Variants in SLCO5A1 observed in about 807,000 individuals in gnomAD.
SLCO5A1 encodes the protein solute carrier organic anion transporter family member 5A1, also known as organic anion transporter polypeptide-related protein 4.
A neutral mutation model predicts 65.1 loss-of-function variants in SLCO5A1; 39 were observed. The ratio of observed to expected loss-of-function variants is 0.60; its 90% confidence interval spans 0.46 to 0.78. The LOEUF (loss-of-function observed/expected upper bound fraction) is 0.78. Ranked by LOEUF, SLCO5A1 falls within the 30% of genes least tolerant of loss-of-function variation. The pLI is 0.00. For synonymous variants in SLCO5A1, 438 were observed against 415.7 expected, an observed-to-expected ratio of 1.05 and a Z score of -0.65; for missense variants, 1,029 against 1,069.4, an observed-to-expected ratio of 0.96 and a Z score of 0.53.
chr8:69,777,889 C>T (rs765650720), intron 2 of SLCO5A1, among the ~76,000 whole-genome samples: 6 of 152,206 alleles, frequency 3.9e-5, no homozygotes, highest in Non-Finnish European at 8.8e-5. Flanking sequence ...ACTGTGCCTA[C>T]GTCATTCATC....
intron 2 of SLCO5A1, among the ~76,000 whole-genome samples, chr8:69,771,078 G>A (rs1456657323): frequency 5.3e-5 from 8 of 152,000 alleles, no homozygotes; most frequent in South Asian, 2.1e-4. Context: ...TCCGCCTCCC[G>A]GGTTCAAGCG....
chr8:69,676,175 G>T (rs985108161), intron 9 of SLCO5A1, among the ~76,000 whole-genome samples: 2 of 152,062 alleles, frequency 1.3e-5, no homozygotes, highest in African/African-American at 4.8e-5. Context: ...AACTTGATAG[G>T]TATACTCTTT....
chr8:69,784,421 C>T (rs1374941509), intron 2 of SLCO5A1, among the ~76,000 whole-genome samples: 1 of 152,184 alleles, frequency 6.6e-6, no homozygotes, highest in East Asian at 1.9e-4. Flanking sequence ...GCAACTAGAA[C>T]TCTCATACAT....
intron 5 of SLCO5A1, among the ~76,000 whole-genome samples, chr8:69,719,397 A>G (rs573475530): frequency 6.6e-6 from 1 of 152,348 alleles, no homozygotes; most frequent in African/African-American, 2.4e-5. Context: ...CCTACTGTCT[A>G]TGAGAACTTA....
chr8:69,817,904 C>T (rs1038218067), intron 2 of SLCO5A1, among the ~76,000 whole-genome samples: 28 of 152,126 alleles, frequency 1.8e-4, no homozygotes, highest in African/African-American at 6.8e-4. Context: ...TTGCTTTTTC[C>T]CCACCAAGGG....
chr8:69,791,135 T>TGTTAC (rs1819251674), intron 2 of SLCO5A1, among the ~76,000 whole-genome samples: 1 of 152,178 alleles, frequency 6.6e-6, no homozygotes, highest in Non-Finnish European at 1.5e-5. Flanking sequence ...TGAGGCTTCT[T>TGTTAC]GTAACTGTCC....
intron 1 of SLCO5A1, chr8:69,834,300 C>T: frequency 6.5e-6 from 1 of 152,792 alleles, no homozygotes; most frequent in Non-Finnish European, 1.5e-5. Flanking sequence ...TGGGAGACAG[C>T]CGAGCTTCAC....
At position 69,832,446 on chromosome 8, in the gene SLCO5A1, C is replaced by G; in HGVS notation, c.228G>C (p.Pro76=). 6.2e-7 allele frequency: 1 copy of G among 1,612,938 alleles called. No individual in the cohort carries two copies. Among genetic ancestry groups the G allele is most frequent in the Non-Finnish European group, 8.5e-7 (1 of 1,179,560 alleles). ...CAGAGGGACTGGGGGCCAACGGGTT[C>G]GGGCCTTGCTTCAACTCCTGGTGGC... ...SSGHQELKQG[P]NPLAPSPSAP... Residue 76 remains proline (P), a synonymous_variant, in exon 2 of 10, where the codon CCG becomes CCC. Coordinates refer to ENST00000260126, the MANE Select transcript of SLCO5A1 (RefSeq NM_030958.3). This position sits in a 1 kb window ranked among gnomAD's most constrained non-coding sequence, Gnocchi z 4.5.
At chr8:69,750,599 T>C (rs980225991) in intron 4 of SLCO5A1, among the ~76,000 whole-genome samples, 1 of 152,072 alleles carries the variant, frequency 6.6e-6, no homozygotes, top group Admixed American at 6.6e-5. Context: ...ACAGTCCCAG[T>C]TTTCTGGCCT....
chr8:69,699,101 A>T (rs1396187641), intron 6 of SLCO5A1, among the ~76,000 whole-genome samples: 2 of 152,242 alleles, frequency 1.3e-5, no homozygotes, highest in African/African-American at 4.8e-5. Context: ...CCTTGAGGAC[A>T]GTAACACAAG....
chr8:69,797,809 T>C (rs972982639), intron 2 of SLCO5A1, among the ~76,000 whole-genome samples: 2 of 152,230 alleles, frequency 1.3e-5, no homozygotes, highest in Admixed American at 6.5e-5. Context: ...TGCCCAAAAC[T>C]TCATTAGCAA....
chr8:69,799,971 G>A (rs1161056861), intron 2 of SLCO5A1, among the ~76,000 whole-genome samples: 1 of 152,080 alleles, frequency 6.6e-6, no homozygotes, highest in Non-Finnish European at 1.5e-5. Context: ...TTTCAAATTA[G>A]ATAATAATTT....
intron 2 of SLCO5A1, among the ~76,000 whole-genome samples, chr8:69,823,337 A>C (rs979444351): frequency 7.4e-6 from 1 of 134,480 alleles, no homozygotes; most frequent in Admixed American, 7.9e-5. Context: ...AAATTGGATA[A>C]AGAGTCAAGA....
intron 2 of SLCO5A1, among the ~76,000 whole-genome samples, chr8:69,762,915 A>G (rs767859981): frequency 7.9e-5 from 12 of 152,244 alleles, no homozygotes; most frequent in Non-Finnish European, 1.8e-4. Context: ...TGAACCAGAA[A>G]ATAATTTTTT....
At chr8:69,677,238 T>A (rs915498978) in intron 8 of SLCO5A1, among the ~76,000 whole-genome samples, 2 of 152,176 alleles carry the variant, frequency 1.3e-5, no homozygotes, top group Non-Finnish European at 2.9e-5. Context: ...TTTTCTTTTT[T>A]AAAAACTTAT....
chr8:69,794,165 C>A, intron 2 of SLCO5A1: 1 of 299,738 alleles, frequency 3.3e-6, no homozygotes. Context: ...TATGCATTAC[C>A]ATGGATGAGA....
At chr8:69,825,026 C>A (rs920477327) in intron 2 of SLCO5A1, among the ~76,000 whole-genome samples, 12 of 152,040 alleles carry the variant, frequency 7.9e-5, no homozygotes, top group Non-Finnish European at 1.5e-5. Flanking sequence ...AAGACAAAAA[C>A]CACATGATTA....
chr8:69,683,236 C>T (rs866539162), intron 6 of SLCO5A1, among the ~76,000 whole-genome samples: 3 of 152,136 alleles, frequency 2.0e-5, no homozygotes, highest in Admixed American at 6.5e-5. Context: ...ACCCCATGAC[C>T]GCTTTTGCTT....
intron 2 of SLCO5A1, among the ~76,000 whole-genome samples, chr8:69,810,763 G>C (rs1175329451): frequency 3.3e-5 from 5 of 152,160 alleles, no homozygotes; most frequent in African/African-American, 1.2e-4. Context: ...ATTTGACCTT[G>C]GATAAACAAG....
Sources: allele counts gnomAD v4.1 joint callset (sites outside exome capture counted in the v4.1 genomes callset), GRCh38; gene constraint gnomAD v4.1.1; non-coding constraint Gnocchi (gnomAD v3.1); transcripts MANE v1.5; gene names NCBI Gene and HGNC (gene_info 2026-07-23, HGNC 2026-07-21).